SPACA6: variants seen among roughly 807,000 people sequenced by gnomAD.
SPACA6 encodes sperm acrosome associated 6.
For synonymous variants in SPACA6, 6 were observed against 1.5 expected, an observed-to-expected ratio of 4.05 and a Z score of -2.21; for missense variants, 8 against 2.8, an observed-to-expected ratio of 2.88 and a Z score of -1.34.
chr19:51,693,893 G>GAGAGACAC (rs1396246089), intron 1 of SPACA6, 153 bp downstream of exon 1: 2 of 396,498 alleles, frequency 5.0e-6, no homozygotes, highest in African/African-American at 4.1e-5. Flanking sequence ...CTTAGGGACA[G>GAGAGACAC]AGAGACACAG....
Position 51,703,968 on chromosome 19 carries a change from G to T in SPACA6, c.574-62G>T. 2.5e-6 allele frequency: 1 copy of T among 399,400 alleles called. No homozygotes were observed. The highest frequency in any genetic ancestry group is 4.4e-6 in the Non-Finnish European group (1 of 226,260). The allele number at this position is 399,400 out of a possible 1,614,324, so 24.7% of individuals were successfully genotyped here. A position where few individuals can be genotyped will look rare whatever the true frequency, so the allele number is the denominator to read the frequency against. On this transcript the variant is annotated intron_variant, in intron 6 of 8. Transcript: ENST00000637797. This position sits in a 1 kb window ranked among gnomAD's most constrained non-coding sequence, Gnocchi z 4.2. ...GGGGCGTGGTCTGGCTCGGGGGGCG[G>T]GGCTTGTAGGTTACTCAGTGGCAAG... is the stretch of plus-strand genomic sequence containing the variant.
chr19:51,686,525 A>G (rs1437841772), upstream of SPACA6: 1 of 152,214 alleles, frequency 6.6e-6, no homozygotes, highest in Non-Finnish European at 1.5e-5. Context: ...CGTAAGTGAA[A>G]GTGAGGGGTC....
chr19:51,704,845 CG>C, intron 8 of SPACA6: 1 of 342,500 alleles, frequency 2.9e-6, no homozygotes, highest in Non-Finnish European at 5.0e-6. Flanking sequence ...TCCAAGCCCC[CG>C]GACCCCCTCC....
upstream of SPACA6, chr19:51,686,995 C>G (rs961271451): frequency 6.6e-6 from 1 of 152,140 alleles, no homozygotes; most frequent in Non-Finnish European, 1.5e-5. Context: ...CTTTAAAAAT[C>G]AGCAAATTTG....
downstream of SPACA6, among the ~76,000 whole-genome samples, chr19:51,708,047 T>A (rs930892240): frequency 6.6e-6 from 1 of 152,222 alleles, no homozygotes; most frequent in South Asian, 2.1e-4. Context: ...TGATTGCTTA[T>A]GAACTTAGTC....
intron 2 of SPACA6, among the ~76,000 whole-genome samples, chr19:51,695,746 G>A (rs2083425555): frequency 1.3e-5 from 2 of 152,228 alleles, no homozygotes; most frequent in African/African-American, 4.8e-5. Flanking sequence ...CCTTCTGTGG[G>A]GCCGCATGGG....
rs186259707 is a variant in SPACA6, at chr19:51,693,574, C to T, written c.48C>T (p.Ala16=). The T allele has an allele frequency of 2.9e-5, 13 of 442,342 alleles. No homozygotes were observed. The highest frequency in any genetic ancestry group is 2.6e-4 in the East Asian group (8 of 31,074). 27.4% of individuals were successfully genotyped at this position (442,342 alleles called of 1,614,324 possible). Residue 16 remains alanine, a synonymous_variant, in exon 1 of 9, where the codon GCC becomes GCT. Coordinates refer to ENST00000637797, the MANE Select transcript of SPACA6 (RefSeq NM_001316972.2). The part of the protein sequence containing the change: ...LASAVPSALL[A]LAVFRVPAWA... ...GTGCCGTCCCGTCTGCCCTGCTGGCCCTGGCTGTCTTCAGGGTGCCCGCCT... is the reference window on the plus strand; with the variant it reads ...GTGCCGTCCCGTCTGCCCTGCTGGCTCTGGCTGTCTTCAGGGTGCCCGCCT...
intron 2 of SPACA6, among the ~76,000 whole-genome samples, chr19:51,698,288 G>T (rs546255698): frequency 6.6e-6 from 1 of 152,242 alleles, no homozygotes; most frequent in African/African-American, 2.4e-5. Flanking sequence ...CTGACGATAT[G>T]CAACTCCTCT....
chr19:51,693,498 G>C lies in SPACA6; in HGVS notation c.-29G>C, dbSNP rs1368361885. On this transcript the variant is annotated 5_prime_UTR_variant, in exon 1 of 9. Coordinates refer to ENST00000637797, the MANE Select transcript of SPACA6 (RefSeq NM_001316972.2). ...TGTGGTGACTTCATAAAGGTTACTAGCTTCTCCCCTGGCCTTGAGACCCAC... is the reference window on the plus strand; with the variant it reads ...TGTGGTGACTTCATAAAGGTTACTACCTTCTCCCCTGGCCTTGAGACCCAC... 9.8e-6 allele frequency: 5 copies of C among 511,982 alleles called. No individual in the cohort carries two copies. Among genetic ancestry groups the C allele is most frequent in the African/African-American group, 9.4e-5 (5 of 53,038 alleles). 31.7% of individuals were successfully genotyped at this position (511,982 alleles called of 1,614,324 possible).
At chr19:51,689,863 G>A (rs779846092), upstream of SPACA6, among the ~76,000 whole-genome samples, 2 of 151,948 alleles carry the variant, frequency 1.3e-5, no homozygotes, top group South Asian at 2.1e-4. Flanking sequence ...GAAGAGACTA[G>A]GGGCGAGCTG....
chr19:51,700,830 G>A (rs1353976422), intron 2 of SPACA6, among the ~76,000 whole-genome samples: 1 of 152,198 alleles, frequency 6.6e-6, no homozygotes, highest in Non-Finnish European at 1.5e-5. Context: ...TTAGATTTGT[G>A]GTGATGGAAG....
chr19:51,696,267 G>A (rs1262237184), intron 2 of SPACA6, among the ~76,000 whole-genome samples: 1 of 152,146 alleles, frequency 6.6e-6, no homozygotes. Flanking sequence ...CTTACTGAAT[G>A]TGCCAGGAAC....
At chr19:51,685,110 G>A (rs2083322687), upstream of SPACA6, among the ~76,000 whole-genome samples, 1 of 152,178 alleles carries the variant, frequency 6.6e-6, no homozygotes, top group African/African-American at 2.4e-5. Flanking sequence ...GTAGGTTAAG[G>A]TGTCCTCCTG....
chr19:51,699,846 A>G (rs1445015962), intron 2 of SPACA6, among the ~76,000 whole-genome samples: 1 of 152,176 alleles, frequency 6.6e-6, no homozygotes, highest in Non-Finnish European at 1.5e-5. Flanking sequence ...TTTAGCCGAT[A>G]AAACCCTGCC....
chr19:51,687,254 AATAAATAC>A (rs952447670), upstream of SPACA6: 4 of 136,976 alleles, frequency 2.9e-5, no homozygotes, highest in South Asian at 2.4e-4. Context: ...CCGTCTCAAA[AATAAATAC>A]ATACATACAT....
At position 51,703,481 on chromosome 19, in the gene SPACA6, G is replaced by C. The variant is rs1294297359; in HGVS notation, c.573+144G>C. The C allele has an allele frequency of 5.0e-6, 2 of 396,624 alleles. No homozygotes were observed. Among genetic ancestry groups the C allele is most frequent in the African/African-American group, 4.1e-5 (2 of 48,602 alleles). The allele number at this position is 396,624 out of a possible 1,614,324, so 24.6% of individuals were successfully genotyped here. A position where few individuals can be genotyped will look rare whatever the true frequency, so the allele number is the denominator to read the frequency against. ...AGCAAGAGGAGGGTCGCGGGATTTA[G>C]GGGAGAGCTCGAAGATCAGAATGCA... On this transcript the variant is annotated intron_variant, in intron 6 of 8. Coordinates refer to ENST00000637797, the MANE Select transcript of SPACA6 (RefSeq NM_001316972.2). The surrounding 1 kb of genome is among the most constrained non-coding windows in gnomAD (Gnocchi z 4.2).
At chr19:51,701,461 G>A (rs924381453) in intron 2 of SPACA6, among the ~76,000 whole-genome samples, 197 bp from the exon 3 acceptor site, 2 of 152,130 alleles carry the variant, frequency 1.3e-5, no homozygotes, top group Non-Finnish European at 2.9e-5. Context: ...ACAGAGGGCG[G>A]GTGATGAGAA....
At chr19:51,709,064 CTG>C (rs2083529811), downstream of SPACA6, among the ~76,000 whole-genome samples, 1 of 151,892 alleles carries the variant, frequency 6.6e-6, no homozygotes, top group Non-Finnish European at 1.5e-5. Flanking sequence ...AGACTTACCT[CTG>C]TAAGAGATGA....
chr19:51,711,752 C>T (rs1207347788), intron 2 of SPACA6, among the ~76,000 whole-genome samples: 1 of 150,458 alleles, frequency 6.6e-6, no homozygotes, highest in Non-Finnish European at 1.5e-5. Context: ...ATGGATGAAC[C>T]TTGATATGCT....
Sources: gnomAD v4.1 joint callset for allele counts (sites outside exome capture counted in the v4.1 genomes callset) on GRCh38, gnomAD v4.1.1 for gene constraint, Gnocchi (gnomAD v3.1) non-coding constraint, MANE v1.5 for transcripts, NCBI Gene and HGNC (gene_info 2026-07-23, HGNC 2026-07-21) for gene names.